SLC22A3: variants seen among roughly 807,000 people sequenced by gnomAD.
The protein encoded by SLC22A3 is EMT organic cation transporter 3.
In SLC22A3, 51 loss-of-function variants were observed where a neutral mutation model predicts 59.1. That is an observed-to-expected ratio of 0.86 (90% CI 0.69 to 1.09). The LOEUF is 1.09. SLC22A3 is among the 50% of genes least tolerant of loss of function. SLC22A3 has a pLI of 0.00. For missense variants in SLC22A3, 711 were observed against 726.3 expected, an observed-to-expected ratio of 0.98 and a Z score of 0.24; for synonymous variants, 325 against 292.0, an observed-to-expected ratio of 1.11 and a Z score of -1.15.
intron 1 of SLC22A3, among the ~76,000 whole-genome samples, chr6:160,356,510 C>G (rs540071055): frequency 6.6e-6 from 1 of 152,298 alleles, no homozygotes; most frequent in Admixed American, 6.5e-5. Context: ...TGTCATCAAT[C>G]GAGCCTGCTC....
At chr6:160,405,698 G>C (rs1220549150) in intron 2 of SLC22A3, among the ~76,000 whole-genome samples, 1 of 152,082 alleles carries the variant, frequency 6.6e-6, no homozygotes, top group Admixed American at 6.6e-5. Context: ...TAGGTGAATG[G>C]ACAAACTGTG....
intron 9 of SLC22A3, among the ~76,000 whole-genome samples, chr6:160,444,711 T>G (rs915582621): frequency 3.3e-5 from 5 of 152,218 alleles, no homozygotes; most frequent in Admixed American, 6.5e-5. Flanking sequence ...TTGGCCCCTT[T>G]CTCACGCAAC....
rs756301868 is a variant in SLC22A3, at chr6:160,348,467, C to T, written c.48C>T (p.Arg16=). 1 of 1,545,012 alleles carries T rather than the reference C, an allele frequency of 6.5e-7. No homozygotes were observed. Among genetic ancestry groups the T allele is most frequent in the South Asian group, 1.2e-5 (1 of 85,334 alleles). The stretch of plus-strand genomic sequence containing the variant: ...TGCAGCGGGTGGGCGAGTTCGGGCG[C>T]TTCCAGAGGCGCGTGTTTTTGCTGC... ...EALQRVGEFG[R]FQRRVFLLLC... The change falls in exon 1 of 11, where the codon CGC becomes CGT. Residue 16 remains arginine, a synonymous_variant. Coordinates refer to ENST00000275300, the MANE Select transcript of SLC22A3 (RefSeq NM_021977.4).
In SLC22A3 at chr6:160,366,123, C is replaced by T. The variant is rs183524044; in HGVS notation, c.429+17275C>T. ...TCCTGTCCCCTCCCAAATCTCATGTCCTCCCATCTCAAAACACAATCATGC... is the reference window on the plus strand; with the variant it reads ...TCCTGTCCCCTCCCAAATCTCATGTTCTCCCATCTCAAAACACAATCATGC... On this transcript the variant is annotated intron_variant, in intron 1 of 10. Transcript: ENST00000275300. Among the ~76,000 whole-genome samples the T allele has an allele frequency of 2.0e-5, 3 of 152,260 alleles. No individual in the cohort carries two copies. The East Asian group carries it at 5.8e-4, about 29-fold the overall frequency.
intron 1 of SLC22A3, among the ~76,000 whole-genome samples, chr6:160,377,010 C>T (rs1003850367): frequency 6.6e-5 from 10 of 152,270 alleles, no homozygotes; most frequent in Non-Finnish European, 1.5e-4. Flanking sequence ...TCTCTCACTC[C>T]ATCACATCCA....
At chr6:160,370,762 AAAT>A (rs1307293894) in intron 1 of SLC22A3, among the ~76,000 whole-genome samples, 10 of 152,220 alleles carry the variant, frequency 6.6e-5, no homozygotes, top group Non-Finnish European at 1.5e-5. Context: ...GAATCAGATA[AAAT>A]AATAGATAGT....
chr6:160,396,525 T>A (rs1384199129), intron 1 of SLC22A3, among the ~76,000 whole-genome samples: 1 of 152,194 alleles, frequency 6.6e-6, no homozygotes, highest in Non-Finnish European at 1.5e-5. Context: ...TCATTCCCAC[T>A]GATTTATTTA....
At chr6:160,400,555 TCAC>T (rs1265676423) in intron 2 of SLC22A3, among the ~76,000 whole-genome samples, 1 of 151,932 alleles carries the variant, frequency 6.6e-6, no homozygotes, top group East Asian at 1.9e-4. Context: ...CCCCAACACC[TCAC>T]CACCACATTA....
chr6:160,432,897 A>G (rs4709432), intron 5 of SLC22A3, among the ~76,000 whole-genome samples: 34,337 of 152,132 alleles, frequency 0.23, 4,263 homozygotes, highest in African/African-American at 0.31. Context: ...GGTAAGGTAC[A>G]TAGCTTTCCT....
At chr6:160,388,971 A>G (rs892319197) in intron 1 of SLC22A3, among the ~76,000 whole-genome samples, 4 of 152,154 alleles carry the variant, frequency 2.6e-5, no homozygotes, top group Non-Finnish European at 4.4e-5. Context: ...AAATGCAATA[A>G]TCCAGACAAC....
In SLC22A3 at chr6:160,443,713, T is replaced by C. The variant is rs1788635798; in HGVS notation, c.1481T>C (p.Val494Ala). The change falls in exon 9 of 11, where the codon GTG becomes GCG. Residue 494 changes from valine (V) to alanine (A), a missense_variant. Transcript: ENST00000275300. Reference protein sequence around the residue: ...APFLLFRLAAVWLELPLIIFG... With the variant: ...APFLLFRLAAAWLELPLIIFG... ...TTTCTGCTCTTTCGGCTAGCAGCCG[T>C]GTGGCTAGAACTACCTCTGATCATC... The C allele has an allele frequency of 1.2e-6, 2 of 1,613,256 alleles. No individual in the cohort carries two copies. Among genetic ancestry groups the C allele is most frequent in the Non-Finnish European group, 1.7e-6 (2 of 1,179,416 alleles).
intron 1 of SLC22A3, among the ~76,000 whole-genome samples, chr6:160,351,183 T>C (rs895589712): frequency 4.6e-5 from 7 of 152,230 alleles, no homozygotes; most frequent in Non-Finnish European, 1.0e-4. Flanking sequence ...TGGCGTGATC[T>C]CGGCTTACTG....
At chr6:160,391,613 G>A (rs1033050) in intron 1 of SLC22A3, among the ~76,000 whole-genome samples, 4,102 of 152,278 alleles carry the variant, frequency 0.027, 173 homozygotes, top group African/African-American at 0.094. Context: ...ACTCGTCTTT[G>A]CCAAGAGAAC....
At chr6:160,373,072 C>T (rs551778269) in intron 1 of SLC22A3, among the ~76,000 whole-genome samples, 2 of 152,264 alleles carry the variant, frequency 1.3e-5, no homozygotes, top group South Asian at 4.1e-4. Flanking sequence ...GATCCCTTGG[C>T]GAGAAGCAGT....
At chr6:160,422,768 C>T (rs1037273117) in intron 5 of SLC22A3, among the ~76,000 whole-genome samples, 2 of 139,348 alleles carry the variant, frequency 1.4e-5, no homozygotes, top group African/African-American at 5.1e-5. Flanking sequence ...GGAAAACAGC[C>T]AGAACCAAGA....
intron 1 of SLC22A3, among the ~76,000 whole-genome samples, chr6:160,370,629 T>C (rs981252143): frequency 1.3e-5 from 2 of 152,240 alleles, no homozygotes; most frequent in East Asian, 1.9e-4. Flanking sequence ...TAATAAATAG[T>C]AGCATATTAC....
chr6:160,354,371 A>G (rs1043066867), intron 1 of SLC22A3, among the ~76,000 whole-genome samples: 1 of 152,216 alleles, frequency 6.6e-6, no homozygotes, highest in African/African-American at 2.4e-5. Context: ...GTGCCTGGTC[A>G]TAGGTGGTGC....
intron 7 of SLC22A3, among the ~76,000 whole-genome samples, chr6:160,441,792 T>C (rs1487588773): frequency 6.6e-6 from 1 of 152,114 alleles, no homozygotes; most frequent in East Asian, 1.9e-4. Context: ...GTGTTGGATA[T>C]AAAGGGAAAA....
intron 7 of SLC22A3, among the ~76,000 whole-genome samples, chr6:160,437,605 G>A (rs1378310607): frequency 6.6e-6 from 1 of 152,150 alleles, no homozygotes; most frequent in Non-Finnish European, 1.5e-5. Context: ...TCTTGACTTC[G>A]AATGGTTCAC....
Sources: gnomAD v4.1 joint callset for allele counts (sites outside exome capture counted in the v4.1 genomes callset) on GRCh38, gnomAD v4.1.1 for gene constraint, MANE v1.5 for transcripts, NCBI Gene and HGNC (gene_info 2026-07-23, HGNC 2026-07-21) for gene names.